Variants in SLX4IP observed in about 807,000 individuals in gnomAD.
The protein encoded by SLX4IP is SLX4 interacting protein.
A neutral mutation model predicts 32.9 loss-of-function variants in SLX4IP; 34 were observed. That is an observed-to-expected ratio of 1.03 (90% CI 0.79 to 1.38). The LOEUF is 1.38. Ranked by LOEUF, SLX4IP falls within the 40% of genes most tolerant of loss-of-function variation. SLX4IP has a pLI of 0.00. For synonymous variants in SLX4IP, 172 were observed against 171.7 expected (o/e 1.00, Z -0.01); for missense variants, 444 against 479.0 (o/e 0.93, Z 0.68).
At chr20:10,560,259 C>T (rs2066317101) in intron 3 of SLX4IP, among the ~76,000 whole-genome samples, 1 of 152,192 alleles carries the variant, frequency 6.6e-6, no homozygotes, top group African/African-American at 2.4e-5. Context: ...TGTCTACAGT[C>T]CCCTGGCCAC....
chr20:10,622,010 A>G (rs2067116735), intron 7 of SLX4IP, among the ~76,000 whole-genome samples: 1 of 152,240 alleles, frequency 6.6e-6, no homozygotes, highest in African/African-American at 2.4e-5. Flanking sequence ...TCTGTTGTGC[A>G]CGCTGTAAGG....
chr20:10,506,405 T>C (rs2065760183), intron 2 of SLX4IP, among the ~76,000 whole-genome samples: 1 of 152,194 alleles, frequency 6.6e-6, no homozygotes, highest in Non-Finnish European at 1.5e-5. Flanking sequence ...CTTGACAGTG[T>C]TTTCTTTTGT....
intron 2 of SLX4IP, among the ~76,000 whole-genome samples, chr20:10,512,343 C>A (rs1445765060): frequency 1.3e-5 from 2 of 152,150 alleles, no homozygotes; most frequent in East Asian, 3.9e-4. Flanking sequence ...ATTAATAGCA[C>A]CCCTTTTTAG....
chr20:10,457,444 T>G (rs1288409517), intron 1 of SLX4IP, among the ~76,000 whole-genome samples: 1 of 49,362 alleles, frequency 2.0e-5, no homozygotes, highest in Non-Finnish European at 5.9e-5. Flanking sequence ...GCATTTTGGG[T>G]TTTTTTTTTT....
chr20:10,572,701 T>C (rs553385113), intron 4 of SLX4IP, among the ~76,000 whole-genome samples: 1 of 152,332 alleles, frequency 6.6e-6, no homozygotes, highest in South Asian at 2.1e-4. Context: ...TACTGTGGTT[T>C]CTGTCTGCAG....
At chr20:10,556,110 T>C in intron 2 of SLX4IP, 121 bp from the exon 3 acceptor site, 1 of 753,794 alleles carries the variant, frequency 1.3e-6, no homozygotes, top group Non-Finnish European at 2.2e-6. Flanking sequence ...AAGTTCTGTC[T>C]AGTAGTGAAC....
intron 2 of SLX4IP, among the ~76,000 whole-genome samples, chr20:10,470,176 C>T (rs2065413192): frequency 6.6e-6 from 1 of 152,178 alleles, no homozygotes; most frequent in Non-Finnish European, 1.5e-5. Context: ...TCCTTGAAGT[C>T]ATAGTTTTAT....
At chr20:10,515,984 G>T (rs554040245) in intron 2 of SLX4IP, among the ~76,000 whole-genome samples, 107 of 152,232 alleles carry the variant, frequency 7.0e-4, no homozygotes, top group Admixed American at 1.3e-3. Flanking sequence ...TGCCTCCAGG[G>T]CTCAAGTGAT....
intron 2 of SLX4IP, among the ~76,000 whole-genome samples, chr20:10,517,720 T>C (rs2065862020): frequency 6.6e-6 from 1 of 152,138 alleles, no homozygotes; most frequent in African/African-American, 2.4e-5. Flanking sequence ...CCATCTGTGC[T>C]GATGATGGGG....
chr20:10,624,585 G>C lies in SLX4IP; in HGVS notation c.*1206G>C, dbSNP rs570638874. ...CTTTTTTTTTTTTCTGTTCAACATG[G>C]GGTGGTCCTTTGAAATGGCACCTCC... On this transcript the variant is annotated 3_prime_UTR_variant, in exon 8 of 8. Coordinates refer to ENST00000334534, the MANE Select transcript of SLX4IP (RefSeq NM_001009608.3). 1 of 151,652 alleles carries C rather than the reference G, an allele frequency of 6.6e-6. No homozygotes were observed. The highest frequency in any genetic ancestry group is 1.5e-5 in the Non-Finnish European group (1 of 67,948). The allele number at this position is 151,652 out of a possible 1,614,324, so 9.4% of individuals were successfully genotyped here. A position where few individuals can be genotyped will look rare whatever the true frequency, so the allele number is the denominator to read the frequency against.
intron 2 of SLX4IP, among the ~76,000 whole-genome samples, chr20:10,481,657 A>G (rs1002177766): frequency 6.6e-6 from 1 of 152,074 alleles, no homozygotes; most frequent in Non-Finnish European, 1.5e-5. Flanking sequence ...TATTTTCCCT[A>G]TGTTGGTTAC....
intron 2 of SLX4IP, among the ~76,000 whole-genome samples, chr20:10,478,676 C>T (rs2065494100): frequency 6.6e-6 from 1 of 152,024 alleles, no homozygotes; most frequent in African/African-American, 2.4e-5. Context: ...AAGAAGGGGC[C>T]CTGGAGCCTC....
chr20:10,462,844 T>C (rs1433503296), intron 2 of SLX4IP, among the ~76,000 whole-genome samples: 1 of 152,234 alleles, frequency 6.6e-6, no homozygotes, highest in East Asian at 1.9e-4. Context: ...TCAGCACTCC[T>C]GTAACAAAAG....
At chr20:10,447,260 CTGTT>C (rs1389469628) in intron 1 of SLX4IP, among the ~76,000 whole-genome samples, 1 of 151,792 alleles carries the variant, frequency 6.6e-6, no homozygotes, top group Non-Finnish European at 1.5e-5. Flanking sequence ...CCCCCTCTGC[CTGTT>C]TGTCTGCCCG....
At chr20:10,438,924 T>C (rs2016628056) in intron 1 of SLX4IP, among the ~76,000 whole-genome samples, 1 of 151,692 alleles carries the variant, frequency 6.6e-6, no homozygotes, top group South Asian at 2.1e-4. Context: ...TACAGGCTGC[T>C]CTTGAATTCC....
intron 2 of SLX4IP, among the ~76,000 whole-genome samples, chr20:10,509,174 T>C (rs1278170389): frequency 6.6e-6 from 1 of 152,190 alleles, no homozygotes; most frequent in East Asian, 1.9e-4. Context: ...ACTGCCATGG[T>C]AGTTGGCATC....
intron 2 of SLX4IP, among the ~76,000 whole-genome samples, chr20:10,487,901 G>A (rs1289709448): frequency 6.6e-6 from 1 of 152,178 alleles, no homozygotes; most frequent in African/African-American, 2.4e-5. Flanking sequence ...GTGACCAAAT[G>A]GAATGATGAT....
At chr20:10,544,778 T>C (rs1376335058) in intron 2 of SLX4IP, among the ~76,000 whole-genome samples, 1 of 152,138 alleles carries the variant, frequency 6.6e-6, no homozygotes, top group Non-Finnish European at 1.5e-5. Flanking sequence ...TACTTGTGAG[T>C]TTTACAGTTG....
At chr20:10,508,281 C>T (rs1003122458) in intron 2 of SLX4IP, among the ~76,000 whole-genome samples, 11 of 152,200 alleles carry the variant, frequency 7.2e-5, no homozygotes, top group African/African-American at 1.7e-4. Context: ...AATGCCAATG[C>T]GGGCAGAGCC....
Sources: gnomAD v4.1 joint callset for allele counts (sites outside exome capture counted in the v4.1 genomes callset) on GRCh38, gnomAD v4.1.1 for gene constraint, MANE v1.5 for transcripts, NCBI Gene and HGNC (gene_info 2026-07-23, HGNC 2026-07-21) for gene names.